Variants in NPIPB2 observed in about 807,000 individuals in gnomAD.
NPIPB2 encodes the protein nuclear pore complex interacting protein family member B2, also known as nuclear pore complex-interacting protein family member B2.
A neutral mutation model predicts 30.8 loss-of-function variants in NPIPB2; 27 were observed. The ratio of observed to expected loss-of-function variants is 0.88; its 90% CI spans 0.65 to 1.21. The LOEUF (loss-of-function observed/expected upper bound fraction) is 1.21, where lower values mean the gene tolerates loss of function less well. Among genes scored for constraint, NPIPB2 ranks in the 50% most tolerant of loss-of-function variants. NPIPB2 has a pLI of 0.00. For synonymous variants in NPIPB2, 147 were observed against 162.0 expected, an observed-to-expected ratio of 0.91 and a Z score of 0.70; for missense variants, 440 against 446.2, an observed-to-expected ratio of 0.99 and a Z score of 0.13.
exon 4 of NPIPB2, chr16:11,933,621 T>A (rs2054822262): frequency 1.9e-6 from 3 of 1,596,968 alleles, no homozygotes; most frequent in Non-Finnish European, 2.5e-6. Flanking sequence ...TTTCCACATG[T>A]CTCCGTAGAG....
Position 11,965,628 on chromosome 16 carries a change from C to T in NPIPB2, c.-584+10940G>A, listed in dbSNP as rs11570142. 6.7e-3 allele frequency among the ~76,000 whole-genome samples: 1,019 copies of T among 152,238 alleles called. 15 individuals carry two copies. The highest frequency in any genetic ancestry group is 0.022 in the African/African-American group (919 of 41,526). The stretch of plus-strand genomic sequence containing the variant: ...ATGGAAACAAAGTAATTATTTGGAA[C>T]TGAACTTGATATGATTCAGCACTAT... On this transcript the variant is annotated intron_variant, in intron 1 of 5. Transcript: ENST00000538896.
chr16:11,937,234 T>C (rs980833634), intron 2 of NPIPB2, among the ~76,000 whole-genome samples: 3 of 152,218 alleles, frequency 2.0e-5, no homozygotes, highest in Non-Finnish European at 2.9e-5. Flanking sequence ...CAGAAGAGTT[T>C]AGAAAGAATT....
intron 1 of NPIPB2, among the ~76,000 whole-genome samples, chr16:11,964,385 C>T (rs1483946685): frequency 2.0e-5 from 3 of 151,976 alleles, no homozygotes; most frequent in African/African-American, 7.2e-5. Flanking sequence ...TGTGCGTCTT[C>T]CTTAGTGCAT....
chr16:11,958,468 G>T (rs1307495857), intron 1 of NPIPB2, among the ~76,000 whole-genome samples: 1 of 151,812 alleles, frequency 6.6e-6, no homozygotes, highest in African/African-American at 2.4e-5. Flanking sequence ...GGTGGCTCAT[G>T]CCTATAATCC....
chr16:11,935,442 T>C (rs563385512), intron 2 of NPIPB2, among the ~76,000 whole-genome samples: 1 of 152,212 alleles, frequency 6.6e-6, no homozygotes, highest in East Asian at 1.9e-4. Context: ...GCCTCCCAAG[T>C]AGCTGGGATT....
chr16:11,943,391 T>C (rs1173855425), upstream of NPIPB2, among the ~76,000 whole-genome samples: 3 of 151,924 alleles, frequency 2.0e-5, no homozygotes, highest in Admixed American at 6.6e-5. Context: ...ATTCTATTTG[T>C]ATGCTGCAGC....
intron 1 of NPIPB2, among the ~76,000 whole-genome samples, chr16:11,959,565 G>T (rs1308594128): frequency 1.3e-5 from 2 of 151,668 alleles, no homozygotes; most frequent in African/African-American, 4.8e-5. Context: ...CTCTAACCGG[G>T]TGACAGAGGG....
upstream of NPIPB2, among the ~76,000 whole-genome samples, chr16:11,946,800 G>A (rs1214040134): frequency 1.3e-5 from 2 of 151,938 alleles, no homozygotes. Flanking sequence ...TGACTGAGAG[G>A]AATGAAAGCA....
chr16:11,950,259 C>T (rs975876731), intron 1 of NPIPB2, among the ~76,000 whole-genome samples: 2 of 152,150 alleles, frequency 1.3e-5, no homozygotes, highest in African/African-American at 2.4e-5. Context: ...TTGTCTTGAA[C>T]TCCTGACCTC....
intron 1 of NPIPB2, chr16:11,966,128 A>G: frequency 1.4e-6 from 2 of 1,438,610 alleles, no homozygotes; most frequent in Non-Finnish European, 1.9e-6. Context: ...ATAAATAAAT[A>G]ATAACAATAA....
chr16:11,958,350 C>T (rs764539186), intron 1 of NPIPB2, among the ~76,000 whole-genome samples: 1 of 151,698 alleles, frequency 6.6e-6, no homozygotes, highest in African/African-American at 2.4e-5. Flanking sequence ...CGTGCTTGAA[C>T]CCAGGAGGCG....
chr16:11,941,828 C>T (rs1382212209), intron 1 of NPIPB2, 155 bp downstream of exon 1: 6 of 1,209,250 alleles, frequency 5.0e-6, no homozygotes, highest in Non-Finnish European at 7.0e-6. Flanking sequence ...TCTCTGGAAC[C>T]TTCACAAACC....
At chr16:11,972,259 G>C (rs1596509926) in intron 1 of NPIPB2, among the ~76,000 whole-genome samples, 1 of 152,198 alleles carries the variant, frequency 6.6e-6, no homozygotes, top group Non-Finnish European at 1.5e-5. Context: ...TCAGAAAATA[G>C]ATTGTAAATG....
intron 1 of NPIPB2, among the ~76,000 whole-genome samples, chr16:11,957,551 C>T (rs1047724967): frequency 9.2e-5 from 14 of 152,110 alleles, no homozygotes; most frequent in Non-Finnish European, 2.1e-4. Flanking sequence ...GCCTCAGCCT[C>T]CCAAAGTGCT....
chr16:11,961,662 C>T (rs951593821), intron 1 of NPIPB2, among the ~76,000 whole-genome samples: 8 of 151,590 alleles, frequency 5.3e-5, no homozygotes, highest in Admixed American at 5.3e-4. Context: ...CACCTGTAAT[C>T]CCAGCTACTA....
chr16:11,961,063 A>G (rs767781486), intron 1 of NPIPB2, among the ~76,000 whole-genome samples: 4 of 151,886 alleles, frequency 2.6e-5, no homozygotes, highest in Non-Finnish European at 4.4e-5. Flanking sequence ...GGGTTTCACC[A>G]TGTTGGCCAG....
At chr16:11,957,936 G>A (rs1054298942) in intron 1 of NPIPB2, among the ~76,000 whole-genome samples, 1 of 152,082 alleles carries the variant, frequency 6.6e-6, no homozygotes, top group Non-Finnish European at 1.5e-5. Context: ...TATTTCTCTG[G>A]AGAATTCTAC....
chr16:11,944,701 T>A (rs565519860), upstream of NPIPB2, among the ~76,000 whole-genome samples: 25 of 124,922 alleles, frequency 2.0e-4, no homozygotes, highest in Admixed American at 6.0e-4. Context: ...AGATGGAGTT[T>A]GCAGTAAGCA....
In NPIPB2 at chr16:11,927,897, G is replaced by A; in HGVS notation, c.688-18C>T. 2 of 949,904 alleles carry A rather than the reference G, an allele frequency of 2.1e-6. No homozygotes were observed. The highest frequency in any genetic ancestry group is 2.7e-5 in the East Asian group (1 of 37,518). The allele number at this position is 949,904 out of a possible 1,614,324, so 58.8% of individuals were successfully genotyped here. On this transcript the variant is annotated intron_variant, in intron 7 of 7. Transcript: ENST00000399147. Reference sequence around the variant, plus strand: ...ATTCTGACCTGTAGGGCCAAAGGAGGGAATGTTTTCACACATATTCATTTG... The same window carrying A: ...ATTCTGACCTGTAGGGCCAAAGGAGAGAATGTTTTCACACATATTCATTTG...
Sources: gnomAD v4.1 joint callset for allele counts (sites outside exome capture counted in the v4.1 genomes callset) on GRCh38, gnomAD v4.1.1 for gene constraint, MANE v1.5 for transcripts, NCBI Gene and HGNC (gene_info 2026-07-23, HGNC 2026-07-21) for gene names.